The following PTDSS1 variants were observed in gnomAD, a reference collection of about 807,000 sequenced individuals.
PTDSS1 encodes the protein phosphatidylserine synthase 1.
In PTDSS1, 45 loss-of-function variants were observed where a neutral mutation model predicts 70.5. That is an observed-to-expected ratio of 0.64 (90% CI 0.50 to 0.82). PTDSS1 has a LOEUF of 0.82. PTDSS1 is among the 40% of genes least tolerant of loss of function. PTDSS1 has a pLI of 0.00. For synonymous variants in PTDSS1, 188 were observed against 203.8 expected (o/e 0.92, Z 0.66); for missense variants, 417 against 586.1 (o/e 0.71, Z 2.98).
At chr8:96,263,549 A>G (rs996890492) in intron 1 of PTDSS1, among the ~76,000 whole-genome samples, 1 of 152,226 alleles carries the variant, frequency 6.6e-6, no homozygotes, top group African/African-American at 2.4e-5. Flanking sequence ...GTGTGAATGC[A>G]TTTAGCAGAG....
intron 9 of PTDSS1, among the ~76,000 whole-genome samples, chr8:96,315,489 G>A (rs557109239): frequency 6.6e-6 from 1 of 152,302 alleles, no homozygotes; most frequent in East Asian, 1.9e-4. Flanking sequence ...CACGAGCCTA[G>A]AGCTTTCATG....
chr8:96,275,638 A>G (rs1348757271), intron 2 of PTDSS1, among the ~76,000 whole-genome samples: 1 of 152,170 alleles, frequency 6.6e-6, no homozygotes, highest in Non-Finnish European at 1.5e-5. Flanking sequence ...CTCTTTCTGT[A>G]CAAAGGTGGC....
rs774975715 is a variant in PTDSS1, at chr8:96,262,224, G to A, written c.179+5G>A. 3.7e-6 allele frequency: 6 copies of A among 1,612,134 alleles called. No individual in the cohort carries two copies. In the Admixed American group the frequency reaches 5.0e-5, roughly 13 times the overall value. On this transcript the variant is annotated splice_donor_5th_base_variant and intron_variant, in intron 1 of 12. Coordinates refer to ENST00000517309, the MANE Select transcript of PTDSS1 (RefSeq NM_014754.3). This position sits in a 1 kb window ranked among gnomAD's most constrained non-coding sequence, Gnocchi z 4.4. The stretch of plus-strand genomic sequence containing the variant: ...CATGTACTTCGCCTTTACCAGGTGG[G>A]GCGGCCCAGCCGAGCGGGGGGCGCG...
chr8:96,331,008 G>A lies in PTDSS1; in HGVS notation c.1243-18G>A. On this transcript the variant is annotated intron_variant, in intron 11 of 12. Transcript: ENST00000517309. ...GGAGTTCCTAAAATTCCTGCACTAA[G>A]CCTGTCTCTCTCCCTAGACCTACTC... 1 of 1,605,698 alleles carries A rather than the reference G, an allele frequency of 6.2e-7. No individual in the cohort carries two copies. The highest frequency in any genetic ancestry group is 8.5e-7 in the Non-Finnish European group (1 of 1,172,552).
chr8:96,332,522 T>C (rs1027705693), intron 12 of PTDSS1, among the ~76,000 whole-genome samples: 1 of 152,120 alleles, frequency 6.6e-6, no homozygotes, highest in African/African-American at 2.4e-5. Context: ...AACCACGGAA[T>C]TGATCAGTGA....
intron 1 of PTDSS1, among the ~76,000 whole-genome samples, chr8:96,269,035 CT>C (rs1810525365): frequency 6.6e-6 from 1 of 152,144 alleles, no homozygotes; most frequent in Non-Finnish European, 1.5e-5. Context: ...CCCTGGGGAG[CT>C]TTCTTATTTT....
At chr8:96,290,900 T>G (rs1810894138) in intron 4 of PTDSS1, among the ~76,000 whole-genome samples, 1 of 148,000 alleles carries the variant, frequency 6.8e-6, no homozygotes, top group Non-Finnish European at 1.5e-5. Context: ...ATAAATATTA[T>G]AAACATTTAT....
At chr8:96,297,120 C>A (rs1238397773) in intron 5 of PTDSS1, among the ~76,000 whole-genome samples, 1 of 152,196 alleles carries the variant, frequency 6.6e-6, no homozygotes, top group Non-Finnish European at 1.5e-5. Context: ...CCAAATGATC[C>A]TCTTTAGACC....
Position 96,336,988 on chromosome 8 carries a change from A to T in PTDSS1, c.*3422A>T, listed in dbSNP as rs1811600438. ...TCTCTAACCTGGGCGACAGAGCGAG[A>T]CTATCTCAAAAAAAAAAAAAAAAAA... is the stretch of plus-strand genomic sequence containing the variant. On this transcript the variant is annotated 3_prime_UTR_variant, in exon 13 of 13. Transcript: ENST00000517309. The T allele has an allele frequency of 8.0e-6, 1 of 124,512 alleles. No homozygotes were observed. The highest frequency in any genetic ancestry group is 1.6e-5 in the Non-Finnish European group (1 of 62,438). The allele number at this position is 124,512 out of a possible 1,614,324, so 7.7% of individuals were successfully genotyped here.
At position 96,262,219 on chromosome 8, in the gene PTDSS1, G is replaced by C; in HGVS notation, c.179G>C (p.Arg60Thr). ...AGCCTCATGTACTTCGCCTTTACCA[G>C]GTGGGGCGGCCCAGCCGAGCGGGGG... is the stretch of plus-strand genomic sequence containing the variant. ...IVSLMYFAFT[R>T]DDSVPEDNIW... Residue 60 changes from arginine (R) to threonine (T), a missense_variant and splice_region_variant, in exon 1 of 13, where the codon AGG (arginine) becomes ACG (threonine). By Grantham distance (71) the Arg-to-Thr change is moderately conservative (BLOSUM62 -1). Transcript: ENST00000517309. The surrounding 1 kb of genome is among the most constrained non-coding windows in gnomAD (Gnocchi z 4.4). 6.2e-7 allele frequency: 1 copy of C among 1,612,802 alleles called. No homozygotes were observed. The highest frequency in any genetic ancestry group is 8.5e-7 in the Non-Finnish European group (1 of 1,179,242).
intron 9 of PTDSS1, among the ~76,000 whole-genome samples, chr8:96,317,030 T>C (rs1302882392): frequency 3.5e-5 from 1 of 28,716 alleles, no homozygotes; most frequent in African/African-American, 9.9e-5. Flanking sequence ...TATATATATG[T>C]GTCTATATAT....
At chr8:96,277,999 T>C (rs1320167477) in intron 2 of PTDSS1, among the ~76,000 whole-genome samples, 1 of 152,244 alleles carries the variant, frequency 6.6e-6, no homozygotes, top group African/African-American at 2.4e-5. Flanking sequence ...CTCAGTGACC[T>C]GTGAAGACCC....
At chr8:96,263,057 G>A (rs538921080) in intron 1 of PTDSS1, among the ~76,000 whole-genome samples, 3 of 152,290 alleles carry the variant, frequency 2.0e-5, no homozygotes, top group African/African-American at 7.2e-5. Context: ...GGTGCCTGGG[G>A]TATAGTAACT....
intron 2 of PTDSS1, among the ~76,000 whole-genome samples, chr8:96,282,088 T>G (rs1444203493): frequency 1.3e-5 from 2 of 152,218 alleles, no homozygotes; most frequent in Non-Finnish European, 2.9e-5. Flanking sequence ...GTGAACCTTA[T>G]AAGAGGAAAC....
chr8:96,284,001 G>A, intron 2 of PTDSS1, 108 bp from the exon 3 acceptor site: 1 of 852,060 alleles, frequency 1.2e-6, no homozygotes, highest in Non-Finnish European at 1.8e-6. Flanking sequence ...ACTTTTAACA[G>A]TAGAGAGCTT....
At chr8:96,320,004 A>G (rs920529333) in intron 9 of PTDSS1, among the ~76,000 whole-genome samples, 2 of 152,196 alleles carry the variant, frequency 1.3e-5, no homozygotes, top group African/African-American at 2.4e-5. Flanking sequence ...GCCCCTAGCT[A>G]TTAAAATTTA....
intron 10 of PTDSS1, among the ~76,000 whole-genome samples, chr8:96,328,580 C>G (rs930056325): frequency 6.6e-6 from 1 of 152,164 alleles, no homozygotes; most frequent in African/African-American, 2.4e-5. Context: ...GAACCAGTGG[C>G]GCTGCTTGTG....
intron 6 of PTDSS1, among the ~76,000 whole-genome samples, chr8:96,301,137 T>C (rs1474041716): frequency 2.6e-5 from 4 of 152,194 alleles, no homozygotes; most frequent in Non-Finnish European, 5.9e-5. Context: ...TTTTTTTTTG[T>C]TTGTTTTATT....
intron 2 of PTDSS1, among the ~76,000 whole-genome samples, chr8:96,275,889 C>T (rs1214491243): frequency 6.6e-6 from 1 of 152,210 alleles, no homozygotes; most frequent in Non-Finnish European, 1.5e-5. Context: ...TCTGTGCCCT[C>T]TATTCCTACT....
Sources: gnomAD v4.1 joint callset for allele counts (sites outside exome capture counted in the v4.1 genomes callset) on GRCh38, gnomAD v4.1.1 for gene constraint, Gnocchi (gnomAD v3.1) non-coding constraint, MANE v1.5 for transcripts, NCBI Gene and HGNC (gene_info 2026-07-23, HGNC 2026-07-21) for gene names.